RHOBTB1: variants seen among roughly 807,000 people sequenced by gnomAD.
RHOBTB1 encodes the protein Rho related BTB domain containing 1, also known as rho-related BTB domain-containing protein 1.
In RHOBTB1, 40 loss-of-function variants were observed where a neutral mutation model predicts 71.6. The observed-to-expected ratio is 0.56, with a 90% CI of 0.43 to 0.73. The LOEUF (loss-of-function observed/expected upper bound fraction) is 0.73, where lower values mean the gene tolerates loss of function less well. RHOBTB1 is among the 30% of genes least tolerant of loss of function. The pLI, the probability that RHOBTB1 is intolerant of heterozygous loss-of-function variation, is 0.00. For missense variants in RHOBTB1, 797 were observed against 894.0 expected, an observed-to-expected ratio of 0.89 and a Z score of 1.38; for synonymous variants, 319 against 334.9, an observed-to-expected ratio of 0.95 and a Z score of 0.52.
At chr10:60,954,482 C>A (rs1188449879) in intron 2 of RHOBTB1, among the ~76,000 whole-genome samples, 1 of 152,136 alleles carries the variant, frequency 6.6e-6, no homozygotes, top group Non-Finnish European at 1.5e-5. Flanking sequence ...TATTTACTCA[C>A]TGATTGCTAT....
In RHOBTB1 at chr10:60,910,910, T is replaced by C. The variant is rs768461175; in HGVS notation, c.273A>G (p.Lys91=). 2.5e-6 allele frequency: 4 copies of C among 1,613,954 alleles called. No homozygotes were observed. The highest frequency in any genetic ancestry group is 3.4e-6 in the Non-Finnish European group (4 of 1,179,962). Reference sequence around the variant, plus strand: ...ACCTGCCATATGCAAAGCGTCTGTCTTTGTGATGATCACCAAAAGTATCCC... The same window carrying C: ...ACCTGCCATATGCAAAGCGTCTGTCCTTGTGATGATCACCAAAAGTATCCC... The part of the protein sequence containing the change: ...RLWDTFGDHH[K]DRRFAYGRSD... Residue 91 remains lysine (K), a synonymous_variant, in exon 4 of 11, where the codon AAA becomes AAG. Transcript: ENST00000337910.
intron 4 of RHOBTB1, among the ~76,000 whole-genome samples, chr10:60,905,449 C>CAA (rs35538782): frequency 0.12 from 6,067 of 48,874 alleles, 1,521 homozygotes; most frequent in African/African-American, 0.4. Flanking sequence ...GACTCTTTCT[C>CAA]AAAAAAAAAA....
intron 2 of RHOBTB1, among the ~76,000 whole-genome samples, chr10:60,962,129 T>G (rs2085804235): frequency 6.6e-6 from 1 of 152,108 alleles, no homozygotes; most frequent in Non-Finnish European, 1.5e-5. Flanking sequence ...GCTTTTTTTT[T>G]GTACCTGAGA....
the RHOBTB1 span, among the ~76,000 whole-genome samples, chr10:60,862,881 C>T: frequency 6.5e-3 from 877 of 134,938 alleles, 7 homozygotes; most frequent in African/African-American, 0.023. Flanking sequence ...TCCTTCCCTC[C>T]TTCCTTCCCT....
rs1161772071 is a variant in RHOBTB1, at chr10:60,888,714, T to G, written c.954A>C (p.Arg318Ser). ...EGACEKEKQS[R>S]DFQGRILSVD... ...CACTCAATATCCGCCCCTGGAAATC[T>G]CTGCTCTGCTTCTCTTTCTCACAGG... is the stretch of plus-strand genomic sequence containing the variant. The change falls in exon 6 of 11, where the codon AGA becomes AGC. Residue 318 changes from arginine (R) to serine (S), a missense_variant. Transcript: ENST00000337910. 1 of 1,614,204 alleles carries G rather than the reference T, an allele frequency of 6.2e-7. No homozygotes were observed. Among genetic ancestry groups the G allele is most frequent in the Admixed American group, 1.7e-5 (1 of 60,032 alleles).
chr10:60,914,522 T>C (rs1231560227), intron 2 of RHOBTB1, among the ~76,000 whole-genome samples: 1 of 152,084 alleles, frequency 6.6e-6, no homozygotes, highest in Non-Finnish European at 1.5e-5. Flanking sequence ...TCCCTAAAAT[T>C]TGGGAGAATG....
chr10:60,955,938 CAT>C (rs745907945), intron 2 of RHOBTB1, among the ~76,000 whole-genome samples: 29 of 152,304 alleles, frequency 1.9e-4, no homozygotes, highest in Non-Finnish European at 2.9e-4. Context: ...GAACTACTAT[CAT>C]GTGGTATTCT....
At position 60,911,531 on chromosome 10, in the gene RHOBTB1, G is replaced by A. The variant is rs1382347469; in HGVS notation, c.12C>T (p.Asp4=). ...CAACGTTGGGTCTTTCGTAGTCCATGTCAGCGTCCATTTATGAAACTCTGT... is the reference window on the plus strand; with the variant it reads ...CAACGTTGGGTCTTTCGTAGTCCATATCAGCGTCCATTTATGAAACTCTGT... The part of the protein sequence containing the change: MDA[D]MDYERPNVET... Residue 4 remains aspartate (D), a synonymous_variant, in exon 3 of 11, where the codon GAC becomes GAT. Transcript: ENST00000337910. The A allele has an allele frequency of 1.2e-6, 2 of 1,613,936 alleles. No individual in the cohort carries two copies. Among genetic ancestry groups the A allele is most frequent in the Non-Finnish European group, 1.7e-6 (2 of 1,179,910 alleles).
chr10:60,950,322 A>G (rs999236463), intron 2 of RHOBTB1, among the ~76,000 whole-genome samples: 8 of 152,228 alleles, frequency 5.3e-5, no homozygotes, highest in East Asian at 1.9e-4. Context: ...TATTTCATGA[A>G]CTACATTCTT....
intron 1 of RHOBTB1, among the ~76,000 whole-genome samples, chr10:60,987,195 C>T (rs994899681): frequency 5.3e-5 from 8 of 152,192 alleles, no homozygotes; most frequent in African/African-American, 1.7e-4. Flanking sequence ...CTTGACTTCC[C>T]TGAAACCTCA....
At chr10:60,926,532 A>C (rs887927860) in intron 2 of RHOBTB1, among the ~76,000 whole-genome samples, 3 of 152,246 alleles carry the variant, frequency 2.0e-5, no homozygotes, top group African/African-American at 7.2e-5. Context: ...ATTATTCATC[A>C]TGATCAAGTG....
chr10:60,930,414 G>C (rs938742905), intron 2 of RHOBTB1, among the ~76,000 whole-genome samples: 1 of 152,170 alleles, frequency 6.6e-6, no homozygotes, highest in Admixed American at 6.5e-5. Context: ...TGTCATAGAA[G>C]TTATGCTTAT....
At chr10:60,908,149 C>G (rs1391883535) in intron 4 of RHOBTB1, among the ~76,000 whole-genome samples, 1 of 152,186 alleles carries the variant, frequency 6.6e-6, no homozygotes, top group Non-Finnish European at 1.5e-5. Context: ...GGCCAACTGC[C>G]TACCACTGAC....
At chr10:60,880,835 A>G (rs1203893703) in intron 7 of RHOBTB1, among the ~76,000 whole-genome samples, 2 of 152,266 alleles carry the variant, frequency 1.3e-5, no homozygotes, top group African/African-American at 4.8e-5. Context: ...ATATATGTTT[A>G]CATACATATG....
At chr10:60,992,509 T>C (rs575814967) in intron 1 of RHOBTB1, among the ~76,000 whole-genome samples, 1 of 152,364 alleles carries the variant, frequency 6.6e-6, no homozygotes, top group Admixed American at 6.5e-5. Flanking sequence ...CTGCTGGATA[T>C]GCCTTTTTAT....
At chr10:60,880,890 C>A (rs372046288) in intron 7 of RHOBTB1, among the ~76,000 whole-genome samples, 1 of 152,180 alleles carries the variant, frequency 6.6e-6, no homozygotes, top group African/African-American at 2.4e-5. Context: ...GGTATCCATA[C>A]AAATTTGTTT....
intron 6 of RHOBTB1, among the ~76,000 whole-genome samples, chr10:60,886,997 A>C (rs542526590): frequency 2.2e-4 from 33 of 152,194 alleles, no homozygotes; most frequent in African/African-American, 7.9e-4. Context: ...GAAAATTAAA[A>C]ATAATTCCCT....
In RHOBTB1 at chr10:60,924,924, T is replaced by C. The variant is rs963073155; in HGVS notation, c.-10-13372A>G. On this transcript the variant is annotated intron_variant, in intron 2 of 10. Coordinates refer to ENST00000337910, the MANE Select transcript of RHOBTB1 (RefSeq NM_014836.5). ...ACTTTTCCCTGACCCAATCTCATGTTAAATTGTAATCCCCAATGTTAGAGT... is the reference window on the plus strand; with the variant it reads ...ACTTTTCCCTGACCCAATCTCATGTCAAATTGTAATCCCCAATGTTAGAGT... Among the ~76,000 whole-genome samples the C allele has an allele frequency of 9.2e-5, 14 of 152,296 alleles. No homozygotes were observed. In the Middle Eastern group the frequency reaches 0.01, roughly 111 times the overall value.
chr10:60,876,218 T>C (rs1449039232), intron 8 of RHOBTB1, among the ~76,000 whole-genome samples: 1 of 152,194 alleles, frequency 6.6e-6, no homozygotes, highest in Admixed American at 6.5e-5. Flanking sequence ...GAAACTGATT[T>C]TTAAACACCA....
Sources: gnomAD v4.1 joint callset for allele counts (sites outside exome capture counted in the v4.1 genomes callset) on GRCh38, gnomAD v4.1.1 for gene constraint, MANE v1.5 for transcripts, NCBI Gene and HGNC (gene_info 2026-07-23, HGNC 2026-07-21) for gene names.